Variants in SIRPG observed in about 807,000 individuals in gnomAD.
The protein encoded by SIRPG is signal-regulatory protein gamma.
A neutral mutation model predicts 35.7 loss-of-function variants in SIRPG; 38 were observed. The observed-to-expected ratio is 1.06, with a 90% CI of 0.82 to 1.40. The LOEUF is 1.40. SIRPG is among the 40% of genes most tolerant of loss of function. The pLI, the probability that SIRPG is intolerant of heterozygous loss-of-function variation, is 0.00. For missense variants in SIRPG, 519 were observed against 483.0 expected (o/e 1.07, Z -0.70); for synonymous variants, 215 against 190.4 (o/e 1.13, Z -1.06).
intron 1 of SIRPG, among the ~76,000 whole-genome samples, chr20:1,650,690 G>T (rs6043548): frequency 0.66 from 99,899 of 151,964 alleles, 33,136 homozygotes; most frequent in East Asian, 0.88. Context: ...GAAGATTATT[G>T]GAAGAAATCA....
At chr20:1,668,137 C>CT in the SIRPG span, among the ~76,000 whole-genome samples, 2 of 116,646 alleles carry the variant, frequency 1.7e-5, no homozygotes, top group African/African-American at 6.1e-5. Flanking sequence ...TTTTCTTTCT[C>CT]TTTTCTTTTC....
chr20:1,644,197 C>A (rs186857213), intron 2 of SIRPG, among the ~76,000 whole-genome samples: 1 of 152,210 alleles, frequency 6.6e-6, no homozygotes, highest in South Asian at 2.1e-4. Context: ...CAGACTAAGA[C>A]AGTGGCCACC....
At chr20:1,674,414 G>A in the SIRPG span, among the ~76,000 whole-genome samples, 1 of 152,114 alleles carries the variant, frequency 6.6e-6, no homozygotes, top group Non-Finnish European at 1.5e-5. Context: ...GCATTTAAAA[G>A]GATTTAACTC....
At chr20:1,644,853 C>T (rs535121182) in intron 2 of SIRPG, among the ~76,000 whole-genome samples, 82 of 152,366 alleles carry the variant, frequency 5.4e-4, no homozygotes, top group African/African-American at 1.9e-3. Flanking sequence ...TGCTCTTCCT[C>T]TCCATGGGTC....
chr20:1,641,523 T>C (rs1399089372), intron 2 of SIRPG, among the ~76,000 whole-genome samples: 2 of 152,092 alleles, frequency 1.3e-5, no homozygotes, highest in Non-Finnish European at 2.9e-5. Context: ...TAGCTAGTGG[T>C]CTATTTTGTT....
chr20:1,672,935 G>C, the SIRPG span, among the ~76,000 whole-genome samples: 1 of 152,116 alleles, frequency 6.6e-6, no homozygotes, highest in Admixed American at 6.5e-5. Flanking sequence ...ACAGACCCAG[G>C]CCATCTAAGC....
intron 2 of SIRPG, among the ~76,000 whole-genome samples, chr20:1,645,606 C>A (rs1032441047): frequency 3.3e-5 from 5 of 152,136 alleles, no homozygotes; most frequent in Non-Finnish European, 7.3e-5. Flanking sequence ...GCATGTTACA[C>A]GATTTAACTC....
intron 2 of SIRPG, chr20:1,637,355 A>G (rs765125317): frequency 2.2e-5 from 4 of 184,892 alleles, no homozygotes; most frequent in Non-Finnish European, 3.7e-5. Context: ...GTCAAGGTAC[A>G]TGGGATTTTG....
the SIRPG span, among the ~76,000 whole-genome samples, chr20:1,678,621 T>C: frequency 3.3e-5 from 5 of 152,090 alleles, no homozygotes; most frequent in Non-Finnish European, 7.4e-5. Context: ...ACTAGAGTTC[T>C]GGGGGAAAAG....
the SIRPG span, among the ~76,000 whole-genome samples, chr20:1,672,161 GC>G: frequency 6.6e-6 from 1 of 152,188 alleles, no homozygotes; most frequent in African/African-American, 2.4e-5. Flanking sequence ...AAATAGGACA[GC>G]ATTTCTGCTT....
At chr20:1,666,144 A>T in the SIRPG span, among the ~76,000 whole-genome samples, 9 of 152,192 alleles carry the variant, frequency 5.9e-5, no homozygotes, top group Middle Eastern at 3.4e-3. Context: ...AAAAAGACAA[A>T]GTTCTAAACT....
intron 1 of SIRPG, among the ~76,000 whole-genome samples, chr20:1,649,629 C>CTA (rs2091925284): frequency 2.6e-5 from 2 of 75,764 alleles, no homozygotes; most frequent in Non-Finnish European, 4.6e-5. Flanking sequence ...CAGAGAGGTT[C>CTA]TTTTTTTTTT....
At chr20:1,636,088 T>C in intron 3 of SIRPG, 100 bp downstream of exon 3, 1 of 1,537,894 alleles carries the variant, frequency 6.5e-7, no homozygotes, top group South Asian at 1.2e-5. Context: ...AGTCAGGGAT[T>C]AGATTACAGG....
chr20:1,656,590 G>T (rs1257133233), intron 1 of SIRPG, among the ~76,000 whole-genome samples: 1 of 152,184 alleles, frequency 6.6e-6, no homozygotes, highest in African/African-American at 2.4e-5. Context: ...TGTGACCGGG[G>T]GTCAGCTGCA....
At chr20:1,644,460 C>A (rs939366138) in intron 2 of SIRPG, among the ~76,000 whole-genome samples, 4 of 152,224 alleles carry the variant, frequency 2.6e-5, no homozygotes, top group African/African-American at 9.6e-5. Flanking sequence ...ATGGCTGCCA[C>A]CTTTCCTTTG....
At chr20:1,680,575 C>G in the SIRPG span, among the ~76,000 whole-genome samples, 1 of 152,232 alleles carries the variant, frequency 6.6e-6, no homozygotes, top group African/African-American at 2.4e-5. Flanking sequence ...TACTAGCAAA[C>G]TGAATTGAAT....
the SIRPG span, among the ~76,000 whole-genome samples, chr20:1,682,545 C>G: frequency 6.6e-6 from 1 of 152,106 alleles, no homozygotes; most frequent in Non-Finnish European, 1.5e-5. Flanking sequence ...TGGGACAACT[C>G]CATAAAAATG....
At chr20:1,685,433 A>G in the SIRPG span, among the ~76,000 whole-genome samples, 3 of 152,152 alleles carry the variant, frequency 2.0e-5, no homozygotes, top group Admixed American at 6.5e-5. Context: ...ATGAGGACAC[A>G]GACACACACT....
chr20:1,676,115 C>A, the SIRPG span, among the ~76,000 whole-genome samples: 2 of 152,184 alleles, frequency 1.3e-5, no homozygotes, highest in Non-Finnish European at 2.9e-5. Flanking sequence ...GGTGGGAATG[C>A]ATCAACTGGG....
Sources: gnomAD v4.1 joint callset for allele counts (sites outside exome capture counted in the v4.1 genomes callset) on GRCh38, gnomAD v4.1.1 for gene constraint, MANE v1.5 for transcripts, NCBI Gene and HGNC (gene_info 2026-07-23, HGNC 2026-07-21) for gene names.